The following ZNF215 variants were observed in gnomAD, a reference collection of about 807,000 sequenced individuals.
ZNF215 encodes BWSCR2-associated zinc finger protein 2.
In ZNF215, 24 loss-of-function variants were observed where a neutral mutation model predicts 27.2. The ratio of observed to expected loss-of-function variants is 0.88; its 90% CI spans 0.64 to 1.24. The LOEUF (loss-of-function observed/expected upper bound fraction) is 1.24, where lower values mean the gene tolerates loss of function less well. Ranked by LOEUF, ZNF215 falls within the 50% of genes most tolerant of loss-of-function variation. The pLI, the probability that ZNF215 is intolerant of heterozygous loss-of-function variation, is 0.00. For missense variants in ZNF215, 675 were observed against 605.7 expected, an observed-to-expected ratio of 1.11 and a Z score of -1.20; for synonymous variants, 210 against 204.0, an observed-to-expected ratio of 1.03 and a Z score of -0.25.
At chr11:6,944,946 C>T (rs534303237) in intron 6 of ZNF215, among the ~76,000 whole-genome samples, 2 of 152,236 alleles carry the variant, frequency 1.3e-5, no homozygotes, top group South Asian at 4.1e-4. Context: ...CCCTGCCCCT[C>T]CACTGTTGGA....
At chr11:6,927,315 C>G (rs555907205) in intron 1 of ZNF215, among the ~76,000 whole-genome samples, 1 of 152,208 alleles carries the variant, frequency 6.6e-6, no homozygotes, top group Non-Finnish European at 1.5e-5. Flanking sequence ...TATTCAGTCA[C>G]TTATTTGCAA....
chr11:6,930,033 C>T (rs1218780094), intron 2 of ZNF215, among the ~76,000 whole-genome samples: 1 of 151,306 alleles, frequency 6.6e-6, no homozygotes, highest in African/African-American at 2.4e-5. Context: ...CAGATTTGGC[C>T]ATAAGGAGCT....
At chr11:6,953,102 C>G (rs1190126081) in intron 6 of ZNF215, among the ~76,000 whole-genome samples, 1 of 152,138 alleles carries the variant, frequency 6.6e-6, no homozygotes. Flanking sequence ...GCCAAGAGAT[C>G]CGCTGTTAGT....
intron 5 of ZNF215, among the ~76,000 whole-genome samples, chr11:6,965,455 C>A (rs1277952832): frequency 2.8e-5 from 3 of 106,658 alleles, no homozygotes; most frequent in Non-Finnish European, 5.7e-5. Context: ...TTTAAAGATA[C>A]CTAAATAAAA....
Position 6,957,144 on chromosome 11 carries a change from C to T in ZNF215, c.*613C>T, listed in dbSNP as rs867570786. 7.1e-6 allele frequency: 7 copies of T among 985,282 alleles called. No individual in the cohort carries two copies. The highest frequency in any genetic ancestry group is 6.0e-6 in the Non-Finnish European group (5 of 829,958). 61.0% of individuals were successfully genotyped at this position (985,282 alleles called of 1,614,324 possible). On this transcript the variant is annotated 3_prime_UTR_variant, in exon 7 of 7. Transcript: ENST00000278319. ...GGGAGAAGTATGTATTGCTGTTAATCTATATGTATTCTTAAAATCTGCATT... is the reference window on the plus strand; with the variant it reads ...GGGAGAAGTATGTATTGCTGTTAATTTATATGTATTCTTAAAATCTGCATT...
chr11:6,968,490 C>G (rs2857928), intron 5 of ZNF215, among the ~76,000 whole-genome samples: 33,860 of 149,372 alleles, frequency 0.23, 3,937 homozygotes, highest in Non-Finnish European at 0.25. Context: ...CTGAATTACA[C>G]TTTAAGCTCT....
At chr11:6,984,080 T>A (rs1851013864) in intron 5 of ZNF215, 1 of 398,520 alleles carries the variant, frequency 2.5e-6, no homozygotes, top group Non-Finnish European at 4.8e-6. Flanking sequence ...TGGTAAAATA[T>A]TTCAGGAAGA....
chr11:6,956,804 C>T lies in ZNF215; in HGVS notation c.*273C>T. On this transcript the variant is annotated 3_prime_UTR_variant, in exon 7 of 7. Coordinates refer to ENST00000278319, the MANE Select transcript of ZNF215 (RefSeq NM_013250.4). ...ATTTGTTTATCATTATTTTGATATC[C>T]ATTACCCTCACCTCTCCCTAGTTCA... 8.4e-7 allele frequency: 1 copy of T among 1,184,110 alleles called. No homozygotes were observed. Among genetic ancestry groups the T allele is most frequent in the Non-Finnish European group, 1.0e-6 (1 of 956,648 alleles). 73.4% of individuals were successfully genotyped at this position (1,184,110 alleles called of 1,614,324 possible). A position where few individuals can be genotyped will look rare whatever the true frequency, so the allele number is the denominator to read the frequency against.
chr11:6,945,224 A>G (rs1849777592), intron 6 of ZNF215, among the ~76,000 whole-genome samples: 1 of 152,058 alleles, frequency 6.6e-6, no homozygotes, highest in Admixed American at 6.6e-5. Flanking sequence ...TTCTAAGGTA[A>G]ATACCCTCGG....
At chr11:6,947,751 T>C (rs556594427) in intron 6 of ZNF215, among the ~76,000 whole-genome samples, 2 of 152,320 alleles carry the variant, frequency 1.3e-5, no homozygotes, top group South Asian at 2.1e-4. Flanking sequence ...CATTGTATTC[T>C]CAAATTTTGT....
At chr11:6,955,286 G>T (rs1283396626) in intron 6 of ZNF215, among the ~76,000 whole-genome samples, 1 of 152,236 alleles carries the variant, frequency 6.6e-6, no homozygotes, top group African/African-American at 2.4e-5. Flanking sequence ...ATTATTACTG[G>T]TGTTTTATAG....
intron 3 of ZNF215, among the ~76,000 whole-genome samples, chr11:6,940,133 T>C (rs1175183376): frequency 5.3e-5 from 8 of 151,390 alleles, no homozygotes; most frequent in African/African-American, 1.9e-4. Flanking sequence ...TTCAAGAGGC[T>C]GAGGCAGGAG....
At position 6,955,723 on chromosome 11, in the gene ZNF215, A is replaced by T; in HGVS notation, c.746A>T (p.His249Leu). 3 of 1,586,914 alleles carry T rather than the reference A, an allele frequency of 1.9e-6. No individual in the cohort carries two copies. Among genetic ancestry groups the T allele is most frequent in the Non-Finnish European group, 2.6e-6 (3 of 1,170,640 alleles). ...AGTATTTCTGGAGAAGAATCATCCC[A>T]TGGAGTGATTATGACAAGGCTTACC... Reference protein sequence around the residue: ...MKSISGEESSHGVIMTRLTES... With the variant: ...MKSISGEESSLGVIMTRLTES... Residue 249 changes from histidine (H) to leucine (L), a missense_variant, in exon 7 of 7, where the codon CAT becomes CTT. Physicochemically the swap from His to Leu is moderately conservative, Grantham distance 99. Transcript: ENST00000278319.
intron 5 of ZNF215, among the ~76,000 whole-genome samples, chr11:6,966,444 G>A (rs1482378468): frequency 6.6e-6 from 1 of 151,588 alleles, no homozygotes; most frequent in East Asian, 1.9e-4. Flanking sequence ...ATTTACCCAT[G>A]TAACAAACCT....
chr11:6,970,907 T>A (rs1850706776), intron 5 of ZNF215, among the ~76,000 whole-genome samples: 1 of 152,168 alleles, frequency 6.6e-6, no homozygotes, highest in Non-Finnish European at 1.5e-5. Context: ...AGCTTTCAGA[T>A]CTGCCCCATA....
At chr11:6,936,379 T>G (rs1193569493) in intron 3 of ZNF215, among the ~76,000 whole-genome samples, 1 of 152,040 alleles carries the variant, frequency 6.6e-6, no homozygotes, top group Non-Finnish European at 1.5e-5. Context: ...GCCAACAAAT[T>G]AGATGCACTT....
chr11:6,986,873 G>A (rs1851062739), downstream of ZNF215, among the ~76,000 whole-genome samples: 1 of 152,030 alleles, frequency 6.6e-6, no homozygotes, highest in Non-Finnish European at 1.5e-5. Flanking sequence ...ACAGATGTTG[G>A]TGAGGCAGCA....
At chr11:6,991,718 T>C (rs561145032), downstream of ZNF215, among the ~76,000 whole-genome samples, 4 of 152,376 alleles carry the variant, frequency 2.6e-5, no homozygotes, top group African/African-American at 9.6e-5. Context: ...CATATTTTCA[T>C]GATTTTGTGT....
downstream of ZNF215, among the ~76,000 whole-genome samples, chr11:6,991,485 C>T (rs1851117332): frequency 1.3e-5 from 2 of 152,206 alleles, no homozygotes; most frequent in Admixed American, 1.3e-4. Context: ...ACCCTAGAGC[C>T]CCCTCAGGCC....
Sources: allele counts gnomAD v4.1 joint callset (sites outside exome capture counted in the v4.1 genomes callset), GRCh38; gene constraint gnomAD v4.1.1; transcripts MANE v1.5; gene names NCBI Gene and HGNC (gene_info 2026-07-23, HGNC 2026-07-21).